Variants in RABGAP1L observed in about 807,000 individuals in gnomAD.
RABGAP1L encodes RAB GTPase activating protein 1 like.
A neutral mutation model predicts 137.7 loss-of-function variants in RABGAP1L; 63 were observed. The observed-to-expected ratio is 0.46, with a 90% CI of 0.37 to 0.56. The LOEUF (loss-of-function observed/expected upper bound fraction) is 0.56, where lower values mean the gene tolerates loss of function less well. Among genes scored for constraint, RABGAP1L ranks in the 20% least tolerant of loss-of-function variants. RABGAP1L has a pLI of 0.00. For synonymous variants in RABGAP1L, 431 were observed against 433.7 expected (o/e 0.99, Z 0.08); for missense variants, 1,095 against 1,244.0 (o/e 0.88, Z 1.80).
At chr1:174,384,332 C>A (rs1686545453) in intron 12 of RABGAP1L, among the ~76,000 whole-genome samples, 1 of 152,046 alleles carries the variant, frequency 6.6e-6, no homozygotes, top group Non-Finnish European at 1.5e-5. Context: ...TATCCTGTAT[C>A]TTGGTTATGG....
chr1:174,489,766 C>G (rs970595764), intron 13 of RABGAP1L, among the ~76,000 whole-genome samples: 5 of 152,146 alleles, frequency 3.3e-5, no homozygotes, highest in African/African-American at 1.2e-4. Flanking sequence ...ATAGCAAAGA[C>G]TTGGAACCAA....
At chr1:174,872,887 A>ACAAACATTTG (rs1285796764) in intron 19 of RABGAP1L, among the ~76,000 whole-genome samples, 2 of 152,034 alleles carry the variant, frequency 1.3e-5, no homozygotes, top group African/African-American at 4.8e-5. Context: ...GTCATTTTGG[A>ACAAACATTTG]GATCCTTAAC....
chr1:174,820,014 G>A (rs1690853657), intron 19 of RABGAP1L, among the ~76,000 whole-genome samples: 1 of 152,048 alleles, frequency 6.6e-6, no homozygotes, highest in Non-Finnish European at 1.5e-5. Flanking sequence ...CAGGATCTAG[G>A]ATGAAGGGAA....
intron 13 of RABGAP1L, among the ~76,000 whole-genome samples, chr1:174,575,355 A>G (rs1286048946): frequency 6.6e-6 from 1 of 152,116 alleles, no homozygotes; most frequent in African/African-American, 2.4e-5. Flanking sequence ...GACCCTTCTA[A>G]TTATTTAGCA....
chr1:174,884,880 G>A (rs1367079166), intron 19 of RABGAP1L, among the ~76,000 whole-genome samples: 1 of 152,138 alleles, frequency 6.6e-6, no homozygotes, highest in African/African-American at 2.4e-5. Context: ...CAGATTTATA[G>A]TTCTACCATC....
chr1:174,288,850 C>T (rs944074524), intron 10 of RABGAP1L, among the ~76,000 whole-genome samples: 1 of 152,050 alleles, frequency 6.6e-6, no homozygotes, highest in African/African-American at 2.4e-5. Flanking sequence ...TGTTGTTTTG[C>T]TCGATGGTGT....
intron 13 of RABGAP1L, among the ~76,000 whole-genome samples, chr1:174,399,756 G>C (rs1397794199): frequency 2.0e-5 from 3 of 152,134 alleles, no homozygotes; most frequent in African/African-American, 7.2e-5. Flanking sequence ...GCAGAAAGGA[G>C]AAGAATGAGC....
At chr1:174,547,862 C>A (rs374826074) in intron 13 of RABGAP1L, 1 of 1,538,314 alleles carries the variant, frequency 6.5e-7, no homozygotes. Flanking sequence ...AGTCTTACAC[C>A]GAGACAGACT....
chr1:174,419,584 T>C (rs2149159443), intron 13 of RABGAP1L, among the ~76,000 whole-genome samples: 1 of 152,356 alleles, frequency 6.6e-6, no homozygotes, highest in Non-Finnish European at 1.5e-5. Flanking sequence ...GTTCATAGCT[T>C]AATTTGTTAT....
At chr1:174,239,231 C>T (rs944823635) in intron 4 of RABGAP1L, among the ~76,000 whole-genome samples, 191 of 152,296 alleles carry the variant, frequency 1.3e-3, no homozygotes, top group Non-Finnish European at 2.0e-3. Flanking sequence ...CCGTCTTCTG[C>T]GTCGCTCACG....
intron 19 of RABGAP1L, among the ~76,000 whole-genome samples, chr1:174,819,109 G>A (rs1455187379): frequency 6.7e-6 from 1 of 150,272 alleles, no homozygotes; most frequent in African/African-American, 2.5e-5. Flanking sequence ...CTTGAGCCCA[G>A]GAGTTGGAGG....
intron 13 of RABGAP1L, among the ~76,000 whole-genome samples, chr1:174,598,975 C>A (rs973982655): frequency 2.6e-5 from 4 of 152,132 alleles, no homozygotes; most frequent in African/African-American, 7.2e-5. Flanking sequence ...GCCTTATGAT[C>A]TTTCTCCCTC....
At chr1:174,399,622 T>C (rs1478827086) in intron 13 of RABGAP1L, among the ~76,000 whole-genome samples, 1 of 152,174 alleles carries the variant, frequency 6.6e-6, no homozygotes, top group Non-Finnish European at 1.5e-5. Flanking sequence ...AGGACCTACC[T>C]GAGACTGGGC....
intron 19 of RABGAP1L, among the ~76,000 whole-genome samples, chr1:174,881,273 A>C (rs546043672): frequency 6.6e-6 from 1 of 152,198 alleles, no homozygotes; most frequent in East Asian, 1.9e-4. Flanking sequence ...TTTGTTGACT[A>C]ATATGGAAAA....
At chr1:174,598,326 CAAAAAAAAAAA>C (rs35838560) in intron 13 of RABGAP1L, among the ~76,000 whole-genome samples, 11 of 68,700 alleles carry the variant, frequency 1.6e-4, no homozygotes, top group African/African-American at 7.9e-4. Flanking sequence ...GACTCTGTCT[CAAAAAAAAAAA>C]AAAAAAAAAA....
At chr1:174,402,002 T>A (rs1274499773) in intron 13 of RABGAP1L, among the ~76,000 whole-genome samples, 1 of 152,190 alleles carries the variant, frequency 6.6e-6, no homozygotes, top group East Asian at 1.9e-4. Flanking sequence ...ACAGTCTAAG[T>A]GAGCAAAGAT....
chr1:174,535,300 C>CT (rs1664810491), intron 13 of RABGAP1L, among the ~76,000 whole-genome samples: 1 of 151,934 alleles, frequency 6.6e-6, no homozygotes, highest in African/African-American at 2.4e-5. Context: ...TCTAGGAGGC[C>CT]TGAAACTCTG....
At chr1:174,762,275 G>A (rs1205673702) in intron 18 of RABGAP1L, among the ~76,000 whole-genome samples, 2 of 152,096 alleles carry the variant, frequency 1.3e-5, no homozygotes, top group Non-Finnish European at 2.9e-5. Context: ...ATCCTCAACT[G>A]CCCCTTCCCT....
intron 13 of RABGAP1L, among the ~76,000 whole-genome samples, chr1:174,491,160 A>G (rs1660190490): frequency 6.6e-6 from 1 of 152,010 alleles, no homozygotes; most frequent in African/African-American, 2.4e-5. Context: ...CATAGCTACC[A>G]CAGCTGGGAA....
Sources: gnomAD v4.1 joint callset for allele counts (sites outside exome capture counted in the v4.1 genomes callset) on GRCh38, gnomAD v4.1.1 for gene constraint, MANE v1.5 for transcripts, NCBI Gene and HGNC (gene_info 2026-07-23, HGNC 2026-07-21) for gene names.